The following RUFY1 variants were observed in gnomAD, a reference collection of about 807,000 sequenced individuals.
The protein encoded by RUFY1 is RUN and FYVE domain containing 1, also known as RUN and FYVE domain-containing protein 1.
RUFY1 carries 54 observed loss-of-function variants against 94.6 expected under a neutral mutation model. The observed-to-expected ratio is 0.57, with a 90% confidence interval of 0.46 to 0.72. RUFY1 has a LOEUF of 0.72. Among genes scored for constraint, RUFY1 ranks in the 30% least tolerant of loss-of-function variants. RUFY1 has a pLI of 0.00. For missense variants in RUFY1, 883 were observed against 883.9 expected, an observed-to-expected ratio of 1.00 and a Z score of 0.01; for synonymous variants, 396 against 347.3, an observed-to-expected ratio of 1.14 and a Z score of -1.56.
At chr5:179,607,680 C>T (rs764312262) in intron 17 of RUFY1, 21 bp downstream of exon 17, 2 of 1,600,742 alleles carry the variant, frequency 1.2e-6, no homozygotes, top group Non-Finnish European at 8.6e-7. Context: ...GCTCCACCCA[C>T]CCTCCCAGTG....
At chr5:179,607,534 CAG>C in intron 16 of RUFY1, 46 bp from the exon 17 acceptor site, 1 of 1,545,152 alleles carries the variant, frequency 6.5e-7, no homozygotes, top group Non-Finnish European at 8.9e-7. Context: ...ACCCACTCAT[CAG>C]GGGCTTAGAC....
intron 15 of RUFY1, among the ~76,000 whole-genome samples, chr5:179,604,245 C>T (rs938906993): frequency 2.6e-5 from 4 of 152,118 alleles, no homozygotes; most frequent in African/African-American, 9.7e-5. Flanking sequence ...GTGCTCTCTC[C>T]CCTCTTCCCT....
chr5:179,580,232 T>TGG (rs1764013222), intron 6 of RUFY1, among the ~76,000 whole-genome samples: 1 of 63,838 alleles, frequency 1.6e-5, no homozygotes, highest in African/African-American at 5.8e-5. Context: ...TGTGTGTGTG[T>TGG]GTGTGTGTGT....
intron 13 of RUFY1, chr5:179,596,982 C>A: frequency 2.9e-6 from 1 of 347,402 alleles, no homozygotes; most frequent in South Asian, 8.4e-5. Context: ...ACAGCTTTGT[C>A]AGTGTTGAAC....
At chr5:179,552,172 A>AAAAAAAG (rs1247742457) in intron 1 of RUFY1, among the ~76,000 whole-genome samples, 3 of 148,234 alleles carry the variant, frequency 2.0e-5, no homozygotes, top group African/African-American at 5.1e-5. Flanking sequence ...CTCAAAAAAA[A>AAAAAAAG]AAAAAAAAAA....
intron 9 of RUFY1, among the ~76,000 whole-genome samples, chr5:179,591,135 T>C (rs1346708845): frequency 6.7e-6 from 1 of 150,246 alleles, no homozygotes; most frequent in Non-Finnish European, 1.5e-5. Flanking sequence ...ACCCAGCCTA[T>C]GAACTTAACT....
At chr5:179,590,363 AAG>A (rs202185749) in intron 9 of RUFY1, among the ~76,000 whole-genome samples, 7,548 of 151,750 alleles carry the variant, frequency 0.05, 219 homozygotes, top group Non-Finnish European at 0.059. Flanking sequence ...CAAAAAAAAA[AAG>A]AGAGACCATA....
Position 179,585,817 on chromosome 5 carries a change from A to G in RUFY1, c.978A>G (p.Gln326=), listed in dbSNP as rs376303394. ...ACAGCTGCACAGTTGGGGATCTTCA[A>G]ACCAAGATAGATGGCTTGGAAAAGA... The part of the protein sequence containing the change: ...RHLSCTVGDL[Q]TKIDGLEKTN... Residue 326 remains glutamine (Q), a synonymous_variant, in exon 8 of 18, where the codon CAA becomes CAG. Transcript: ENST00000319449. 1.9e-5 allele frequency: 31 copies of G among 1,613,736 alleles called. No homozygotes were observed. In the African/African-American group the frequency reaches 3.9e-4, roughly 20 times the overall value.
intron 12 of RUFY1, 102 bp from the exon 13 acceptor site, chr5:179,596,460 T>C: frequency 7.0e-7 from 1 of 1,438,554 alleles, no homozygotes; most frequent in Non-Finnish European, 9.8e-7. Context: ...CAAGAGTTAA[T>C]TTTACTGTAT....
chr5:179,609,684 C>A lies in RUFY1; in HGVS notation c.*165C>A, dbSNP rs1443224975. 7 of 622,138 alleles carry A rather than the reference C, an allele frequency of 1.1e-5. No homozygotes were observed. Among genetic ancestry groups the A allele is most frequent in the Non-Finnish European group, 1.8e-5 (7 of 380,676 alleles). The allele number at this position is 622,138 out of a possible 1,614,324, so 38.5% of individuals were successfully genotyped here. A position where few individuals can be genotyped will look rare whatever the true frequency, so the allele number is the denominator to read the frequency against. ...AGCGTGCCGGAACCGGCAGCTCTCA[C>A]CTTTCTGTGACTTGTTCGGAATTAA... On this transcript the variant is annotated 3_prime_UTR_variant, in exon 18 of 18. Transcript: ENST00000319449.
chr5:179,609,582 T>C lies in RUFY1; in HGVS notation c.*63T>C. On this transcript the variant is annotated 3_prime_UTR_variant, in exon 18 of 18. Coordinates refer to ENST00000319449, the MANE Select transcript of RUFY1 (RefSeq NM_025158.5). Reference sequence around the variant, plus strand: ...CAAACCCTGTGGGTCTCCAGGGGCTTGGGAAATGTGTTCTTTCCCAAGAGT... The same window carrying C: ...CAAACCCTGTGGGTCTCCAGGGGCTCGGGAAATGTGTTCTTTCCCAAGAGT... 2 of 1,413,130 alleles carry C rather than the reference T, an allele frequency of 1.4e-6. No individual in the cohort carries two copies. The highest frequency in any genetic ancestry group is 2.5e-5 in the Admixed American group (1 of 39,732). The allele number at this position is 1,413,130 out of a possible 1,614,324, so 87.5% of individuals were successfully genotyped here.
intron 1 of RUFY1, among the ~76,000 whole-genome samples, chr5:179,553,421 T>G (rs1387983724): frequency 6.6e-6 from 1 of 152,158 alleles, no homozygotes; most frequent in Non-Finnish European, 1.5e-5. Flanking sequence ...ATCCCTATTT[T>G]ATAAAGAGAG....
intron 6 of RUFY1, among the ~76,000 whole-genome samples, chr5:179,577,911 C>G (rs906704383): frequency 2.0e-5 from 3 of 147,656 alleles, no homozygotes; most frequent in African/African-American, 2.5e-5. Context: ...CTTGTTTTTG[C>G]TTTGAGATTT....
intron 7 of RUFY1, among the ~76,000 whole-genome samples, chr5:179,583,396 A>T (rs1411617016): frequency 8.9e-6 from 1 of 112,734 alleles, no homozygotes; most frequent in East Asian, 2.4e-4. Context: ...TTGAGGATAT[A>T]TCTTTTCTCA....
In RUFY1 at chr5:179,552,164, C is replaced by CAAAAA. The variant is rs563730431; in HGVS notation, c.310+1304_310+1308dup. Reference sequence around the variant, plus strand: ...TGGGTGACAGAGCGAGACTCTGTCTCAAAAAAAAAAAAAAAAAAAAAAACT... The same window carrying CAAAAA: ...TGGGTGACAGAGCGAGACTCTGTCTCAAAAAAAAAAAAAAAAAAAAAAAAAAAACT... On this transcript the variant is annotated intron_variant, in intron 1 of 17. Transcript: ENST00000319449. Among the ~76,000 whole-genome samples, 102 of 73,438 alleles carry CAAAAA rather than the reference C, an allele frequency of 1.4e-3. 11 individuals are homozygous for CAAAAA. Among genetic ancestry groups the CAAAAA allele is most frequent in the South Asian group, 9.5e-3 (14 of 1,470 alleles). The allele number at this position is 73,438 out of a possible 152,430, so 48.2% of individuals were successfully genotyped here.
Position 179,594,304 on chromosome 5 carries a change from G to GA in RUFY1, c.1414-549dup, listed in dbSNP as rs34687575. Among the ~76,000 whole-genome samples the GA allele has an allele frequency of 9.5e-4, 136 of 142,746 alleles. No homozygotes were observed. In the East Asian group the frequency reaches 0.014, roughly 15 times the overall value. The allele number at this position is 142,746 out of a possible 152,430, so 93.6% of individuals were successfully genotyped here. A position where few individuals can be genotyped will look rare whatever the true frequency, so the allele number is the denominator to read the frequency against. Reference sequence around the variant, plus strand: ...AACAGAGCGCAACTCCAACTCGGGGGAAAAAAAAAAAAAGTCATTTAGTAT... The same window carrying GA: ...AACAGAGCGCAACTCCAACTCGGGGGAAAAAAAAAAAAAAGTCATTTAGTAT... On this transcript the variant is annotated intron_variant, in intron 11 of 17. Transcript: ENST00000319449.
Position 179,598,746 on chromosome 5 carries a change from G to C in RUFY1, c.1686G>C (p.Gln562His). 1 of 1,614,170 alleles carries C rather than the reference G, an allele frequency of 6.2e-7. No individual in the cohort carries two copies. The highest frequency in any genetic ancestry group is 8.5e-7 in the Non-Finnish European group (1 of 1,179,992). ...AAAAAGAGCAAAGACAGGCTCTTCA[G>C]CGCGAATTACAGCACGAGAAAGACA... is the stretch of plus-strand genomic sequence containing the variant. ...KSEKEQRQAL[Q>H]RELQHEKDTS... The change falls in exon 14 of 18, where the codon CAG becomes CAC. Residue 562 changes from glutamine to histidine, a missense_variant. Gln to His is a conservative substitution (Grantham distance 24). Transcript: ENST00000319449.
intron 6 of RUFY1, among the ~76,000 whole-genome samples, chr5:179,578,149 A>C (rs956617879): frequency 6.6e-6 from 1 of 152,142 alleles, no homozygotes; most frequent in Non-Finnish European, 1.5e-5. Flanking sequence ...TATAAATGGG[A>C]TAGTATTATA....
chr5:179,567,877 C>G (rs1014306091), intron 4 of RUFY1, among the ~76,000 whole-genome samples: 1 of 151,922 alleles, frequency 6.6e-6, no homozygotes, highest in Non-Finnish European at 1.5e-5. Flanking sequence ...GCACTCCAGC[C>G]TGGGCGACAG....
Sources: allele counts gnomAD v4.1 joint callset (sites outside exome capture counted in the v4.1 genomes callset), GRCh38; gene constraint gnomAD v4.1.1; transcripts MANE v1.5; gene names NCBI Gene and HGNC (gene_info 2026-07-23, HGNC 2026-07-21).